Variants in KIF16B observed in about 807,000 individuals in gnomAD.
KIF16B encodes kinesin-like protein KIF16B.
Under a neutral mutation model 156.3 loss-of-function variants are expected in KIF16B, and 98 were observed. That is an observed-to-expected ratio of 0.63 (90% CI 0.53 to 0.74). The LOEUF is 0.74. KIF16B is among the 30% of genes least tolerant of loss of function. The pLI, the probability that KIF16B is intolerant of heterozygous loss-of-function variation, is 0.00. For missense variants in KIF16B, 1,421 were observed against 1,606.5 expected, an observed-to-expected ratio of 0.88 and a Z score of 1.97; for synonymous variants, 564 against 583.7, an observed-to-expected ratio of 0.97 and a Z score of 0.49.
At chr20:16,499,428 A>C (rs1463865871) in intron 10 of KIF16B, among the ~76,000 whole-genome samples, 1 of 152,214 alleles carries the variant, frequency 6.6e-6, no homozygotes, top group Admixed American at 6.5e-5. Flanking sequence ...GCATAGAATG[A>C]AGCCAGAAAG....
chr20:16,498,840 G>C (rs555885102), intron 10 of KIF16B, among the ~76,000 whole-genome samples: 2 of 98,838 alleles, frequency 2.0e-5, no homozygotes, highest in South Asian at 3.4e-4. Flanking sequence ...GTCTTCCCCA[G>C]AGACTGTAGC....
At position 16,379,903 on chromosome 20, in the gene KIF16B, T is replaced by A. The variant is rs747018003; in HGVS notation, c.2099A>T (p.Glu700Val). 2 of 1,614,206 alleles carry A rather than the reference T, an allele frequency of 1.2e-6. No individual in the cohort carries two copies. Among genetic ancestry groups the A allele is most frequent in the South Asian group, 2.2e-5 (2 of 91,088 alleles). ...TTCTTCTTGGACGCGGAGAAAGGTC[T>A]CTTCTTCTTGTCTCTTCTTCTGCAG... ...IELQKKRQEE[E>V]TFLRVQEELQ... Residue 700 changes from glutamate to valine, a missense_variant, in exon 19 of 26, where the codon GAG (glutamate) becomes GTG (valine). Physicochemically the swap from Glu to Val is moderately radical, Grantham distance 121 (BLOSUM62 -2). Coordinates refer to ENST00000354981, the MANE Select transcript of KIF16B (RefSeq NM_024704.5).
intron 25 of KIF16B, among the ~76,000 whole-genome samples, chr20:16,277,624 A>G (rs2063082979): frequency 6.6e-6 from 1 of 152,028 alleles, no homozygotes; most frequent in Non-Finnish European, 1.5e-5. Flanking sequence ...CTTGTTGTTG[A>G]CCCCAAAGTC....
At chr20:16,516,615 T>C (rs1300765220) in intron 3 of KIF16B, among the ~76,000 whole-genome samples, 1 of 152,134 alleles carries the variant, frequency 6.6e-6, no homozygotes, top group African/African-American at 2.4e-5. Context: ...GTCACCAACG[T>C]CCAAGGTGGG....
rs1007761256 is a variant in KIF16B at position 16,358,193 on chromosome 20, G to GA, written c.3499-1742dup. ...GACAGAGCGAGACTCCATCTCAAAG[G>GA]AAAAAAAAAATTATATGGGCTTCTG... On this transcript the variant is annotated intron_variant, in intron 22 of 25. Transcript: ENST00000354981. Among the ~76,000 whole-genome samples, 460 of 149,814 alleles carry GA rather than the reference G, an allele frequency of 3.1e-3. 5 individuals are homozygous for GA. Among genetic ancestry groups the GA allele is most frequent in the African/African-American group, 0.011 (438 of 40,890 alleles).
intron 20 of KIF16B, among the ~76,000 whole-genome samples, chr20:16,373,944 T>C (rs1475519281): frequency 6.6e-6 from 1 of 152,240 alleles, no homozygotes; most frequent in Non-Finnish European, 1.5e-5. Flanking sequence ...ACAGGTGGAC[T>C]TGAGGATGTG....
intron 12 of KIF16B, among the ~76,000 whole-genome samples, chr20:16,466,183 A>G (rs1199204453): frequency 6.6e-6 from 1 of 152,256 alleles, no homozygotes; most frequent in Non-Finnish European, 1.5e-5. Flanking sequence ...TTTCAAAGAA[A>G]AAGAGAACTG....
chr20:16,307,967 G>A (rs1300395730), intron 25 of KIF16B, among the ~76,000 whole-genome samples: 4 of 151,752 alleles, frequency 2.6e-5, no homozygotes, highest in African/African-American at 4.8e-5. Flanking sequence ...TATATAATAC[G>A]TACAATATTT....
chr20:16,356,521 C>G (rs1050707588), intron 22 of KIF16B, 69 bp from the exon 23 acceptor site: 1 of 1,564,396 alleles, frequency 6.4e-7, no homozygotes, highest in East Asian at 2.3e-5. Context: ...ATATCCTGCT[C>G]GGGTAGGAGG....
intron 25 of KIF16B, among the ~76,000 whole-genome samples, chr20:16,293,948 C>A (rs1053341130): frequency 2.6e-5 from 4 of 151,914 alleles, no homozygotes; most frequent in African/African-American, 9.7e-5. Context: ...GGGGAGCCAT[C>A]ATCCATAGTG....
chr20:16,351,219 T>C (rs2064332719), intron 23 of KIF16B, among the ~76,000 whole-genome samples: 2 of 152,172 alleles, frequency 1.3e-5, no homozygotes, highest in Non-Finnish European at 2.9e-5. Context: ...TTTCTTTATG[T>C]TACCGTGTTG....
intron 24 of KIF16B, among the ~76,000 whole-genome samples, chr20:16,328,386 C>T (rs2063892469): frequency 6.6e-6 from 1 of 152,186 alleles, no homozygotes; most frequent in African/African-American, 2.4e-5. Context: ...TGAAGACAAG[C>T]AACATGAACT....
At chr20:16,443,328 T>C (rs1424716395) in intron 12 of KIF16B, among the ~76,000 whole-genome samples, 4 of 152,202 alleles carry the variant, frequency 2.6e-5, no homozygotes, top group African/African-American at 9.6e-5. Flanking sequence ...GTTTCTTCCC[T>C]GGCTGTGCAG....
At position 16,455,363 on chromosome 20, in the gene KIF16B, T is replaced by TA. The variant is rs11478748; in HGVS notation, c.1303-25382dup. On this transcript the variant is annotated intron_variant, in intron 12 of 25. Coordinates refer to ENST00000354981, the MANE Select transcript of KIF16B (RefSeq NM_024704.5). ...ACCTGGCCAAACCCTCTGCTTATCTTAAAAAAAAAAAAAGTTATAAAAAGA... is the reference window on the plus strand; with the variant it reads ...ACCTGGCCAAACCCTCTGCTTATCTTAAAAAAAAAAAAAAGTTATAAAAAGA... Among the ~76,000 whole-genome samples the TA allele has an allele frequency of 3.8e-3, 546 of 143,734 alleles. 2 individuals carry two copies. The highest frequency in any genetic ancestry group is 0.014 in the Middle Eastern group (4 of 276). The allele number at this position is 143,734 out of a possible 152,430, so 94.3% of individuals were successfully genotyped here.
At chr20:16,566,096 T>C (rs1319043615) in intron 1 of KIF16B, among the ~76,000 whole-genome samples, 1 of 152,254 alleles carries the variant, frequency 6.6e-6, no homozygotes, top group Non-Finnish European at 1.5e-5. Context: ...GCATAACACA[T>C]ACGTTTCATA....
rs532536169 is a variant in KIF16B at position 16,372,312 on chromosome 20, C to T, written c.3351-551G>A. On this transcript the variant is annotated intron_variant, in intron 20 of 25. Coordinates refer to ENST00000354981, the MANE Select transcript of KIF16B (RefSeq NM_024704.5). ...GCACACTTGTATTCCCGGTCTGTCT[C>T]GTCTCTCCAAATGGGTTCTCTGTAC... Among the ~76,000 whole-genome samples the T allele has an allele frequency of 2.6e-5, 4 of 152,340 alleles. No individual in the cohort carries two copies. The East Asian group carries it at 5.8e-4, about 22-fold the overall frequency.
At chr20:16,401,477 A>G (rs2065655967) in intron 17 of KIF16B, among the ~76,000 whole-genome samples, 1 of 152,206 alleles carries the variant, frequency 6.6e-6, no homozygotes, top group African/African-American at 2.4e-5. Flanking sequence ...ATCCACGCCC[A>G]AAGAAATTTT....
chr20:16,548,262 C>T (rs111283301), intron 1 of KIF16B, among the ~76,000 whole-genome samples: 4 of 152,282 alleles, frequency 2.6e-5, no homozygotes, highest in African/African-American at 9.6e-5. Context: ...GAGGGAGCTA[C>T]AAGGTTCGGA....
At chr20:16,341,550 C>G (rs1179683702) in intron 23 of KIF16B, among the ~76,000 whole-genome samples, 2 of 152,200 alleles carry the variant, frequency 1.3e-5, no homozygotes, top group African/African-American at 4.8e-5. Flanking sequence ...ATTTTTGCCT[C>G]TTACCTTACT....
Sources: gnomAD v4.1 joint callset for allele counts (sites outside exome capture counted in the v4.1 genomes callset) on GRCh38, gnomAD v4.1.1 for gene constraint, MANE v1.5 for transcripts, NCBI Gene and HGNC (gene_info 2026-07-23, HGNC 2026-07-21) for gene names.